Variants in NEO1 observed in about 807,000 individuals in gnomAD.
The protein encoded by NEO1 is neogenin.
In NEO1, 63 loss-of-function variants were observed where a neutral mutation model predicts 159.7. The ratio of observed to expected loss-of-function variants is 0.39; its 90% CI spans 0.32 to 0.49. The LOEUF (loss-of-function observed/expected upper bound fraction) is 0.49, where lower values mean the gene tolerates loss of function less well. Ranked by LOEUF, NEO1 falls within the 20% of genes least tolerant of loss-of-function variation. The pLI is 0.85. For synonymous variants in NEO1, 633 were observed against 662.0 expected, an observed-to-expected ratio of 0.96 and a Z score of 0.67; for missense variants, 1,615 against 1,831.0, an observed-to-expected ratio of 0.88 and a Z score of 2.15.
intron 2 of NEO1, among the ~76,000 whole-genome samples, chr15:73,119,012 T>TGTGC (rs2071478228): frequency 6.6e-6 from 1 of 151,890 alleles, no homozygotes; most frequent in Non-Finnish European, 1.5e-5. Context: ...TGTGTGTGTG[T>TGTGC]GCGCGCAATT....
rs1555421034 is a variant in NEO1 at position 73,068,233 on chromosome 15, C to CCCT, written c.130+15428_130+15429insCCT. ...TGTTTTTGTCCCCCTACCCCCCCCC[C>CCCT]TTTTTTTTTGAGACAGTGTCTCACT... On this transcript the variant is annotated intron_variant, in intron 1 of 28. Coordinates refer to ENST00000261908, the MANE Select transcript of NEO1 (RefSeq NM_002499.4). Among the ~76,000 whole-genome samples, 50 of 136,658 alleles carry CCCT rather than the reference C, an allele frequency of 3.7e-4. 1 individual carries two copies. Among genetic ancestry groups the CCCT allele is most frequent in the African/African-American group, 1.3e-3 (48 of 36,672 alleles). The allele number at this position is 136,658 out of a possible 152,430, so 89.7% of individuals were successfully genotyped here.
intron 23 of NEO1, among the ~76,000 whole-genome samples, chr15:73,284,689 G>A (rs910560416): frequency 3.3e-5 from 5 of 150,722 alleles, no homozygotes; most frequent in Admixed American, 6.6e-5. Context: ...GGATTCAAGC[G>A]ATTCTCCTGC....
At chr15:73,178,205 A>T (rs2035393691) in intron 6 of NEO1, 102 bp from the exon 7 acceptor site, 11 of 1,077,398 alleles carry the variant, frequency 1.0e-5, no homozygotes, top group Non-Finnish European at 1.3e-5. Context: ...GATCATAAAA[A>T]CTTTACTTGT....
At chr15:73,269,947 C>G (rs1177195920) in intron 16 of NEO1, 63 bp from the exon 17 acceptor site, 1 of 1,335,024 alleles carries the variant, frequency 7.5e-7, no homozygotes, top group Non-Finnish European at 1.1e-6. Flanking sequence ...CTGCATTTCC[C>G]TTTTATTTTA....
chr15:73,228,612 GT>G (rs954804686), intron 7 of NEO1, among the ~76,000 whole-genome samples: 1 of 150,766 alleles, frequency 6.6e-6, no homozygotes, highest in African/African-American at 2.4e-5. Context: ...AGAAGTATTT[GT>G]TTTTAATAGA....
intron 5 of NEO1, among the ~76,000 whole-genome samples, chr15:73,170,048 A>G (rs1226763209): frequency 6.6e-6 from 1 of 152,140 alleles, no homozygotes; most frequent in Non-Finnish European, 1.5e-5. Flanking sequence ...CTGGAAAGTA[A>G]AATGAAACAG....
intron 8 of NEO1, among the ~76,000 whole-genome samples, chr15:73,241,339 G>T (rs532492564): frequency 1.3e-5 from 2 of 152,240 alleles, no homozygotes; most frequent in South Asian, 4.1e-4. Context: ...TGCCAAATTG[G>T]AGCAATTATT....
chr15:73,114,521 T>A (rs539765356), intron 1 of NEO1, among the ~76,000 whole-genome samples: 5 of 152,214 alleles, frequency 3.3e-5, no homozygotes, highest in African/African-American at 1.2e-4. Context: ...TTCCTTTGAG[T>A]GTAATTCACT....
chr15:73,245,394 C>T (rs181701069), intron 9 of NEO1, among the ~76,000 whole-genome samples: 185 of 152,182 alleles, frequency 1.2e-3, no homozygotes, highest in South Asian at 3.9e-3. Flanking sequence ...TTTTCAGTGA[C>T]GTGAGTGTCA....
chr15:73,057,848 A>C (rs749706476), intron 1 of NEO1, among the ~76,000 whole-genome samples: 29 of 152,178 alleles, frequency 1.9e-4, no homozygotes, highest in Non-Finnish European at 3.8e-4. Context: ...ATTATCTTTA[A>C]ATCATTTTAT....
chr15:73,299,636 C>T (rs562682), intron 27 of NEO1, among the ~76,000 whole-genome samples: 78 of 152,304 alleles, frequency 5.1e-4, no homozygotes, highest in African/African-American at 1.8e-3. Context: ...CCGCCCACCT[C>T]GGCCTCCCAA....
intron 5 of NEO1, among the ~76,000 whole-genome samples, chr15:73,173,956 C>T (rs551139034): frequency 3.9e-5 from 6 of 151,908 alleles, no homozygotes; most frequent in South Asian, 2.1e-4. Flanking sequence ...AAAAATTAGC[C>T]GGACGTGGTG....
chr15:73,130,451 C>T (rs1163151395), intron 4 of NEO1, among the ~76,000 whole-genome samples: 2 of 152,126 alleles, frequency 1.3e-5, no homozygotes, highest in East Asian at 3.9e-4. Context: ...TGCTCTCTAG[C>T]CAAAGGGGCA....
intron 5 of NEO1, among the ~76,000 whole-genome samples, chr15:73,147,354 T>C (rs1454930697): frequency 6.6e-6 from 1 of 152,174 alleles, no homozygotes; most frequent in East Asian, 1.9e-4. Context: ...ATTATTTAAA[T>C]TGACATCTCA....
chr15:73,182,249 A>G (rs1033838284), intron 7 of NEO1, among the ~76,000 whole-genome samples: 2 of 152,174 alleles, frequency 1.3e-5, no homozygotes, highest in African/African-American at 4.8e-5. Context: ...GGGAGTTACA[A>G]TTCAAGATAA....
intron 22 of NEO1, among the ~76,000 whole-genome samples, chr15:73,281,216 C>A (rs1214235062): frequency 1.2e-4 from 16 of 128,494 alleles, no homozygotes; most frequent in Non-Finnish European, 2.2e-4. Context: ...AAAAAAAAAA[C>A]ACATAAATTT....
chr15:73,198,328 G>A (rs991401762), intron 7 of NEO1, among the ~76,000 whole-genome samples: 4 of 151,910 alleles, frequency 2.6e-5, no homozygotes, highest in Middle Eastern at 3.4e-3. Flanking sequence ...TGGATTCATC[G>A]TTCTTTATTT....
chr15:73,294,378 C>T (rs1001324662), intron 26 of NEO1, among the ~76,000 whole-genome samples: 1 of 152,088 alleles, frequency 6.6e-6, no homozygotes, highest in Non-Finnish European at 1.5e-5. Context: ...TTGAAACTTG[C>T]CTATTAATAG....
chr15:73,207,247 ACAGTAAAGT>A (rs2037292226), intron 7 of NEO1, among the ~76,000 whole-genome samples: 1 of 152,244 alleles, frequency 6.6e-6, no homozygotes, highest in Admixed American at 6.5e-5. Flanking sequence ...TTACTTAAAC[ACAGTAAAGT>A]AGATATTGTT....
Sources: allele counts gnomAD v4.1 joint callset (sites outside exome capture counted in the v4.1 genomes callset), GRCh38; gene constraint gnomAD v4.1.1; transcripts MANE v1.5; gene names NCBI Gene and HGNC (gene_info 2026-07-23, HGNC 2026-07-21).